Variants in TASL observed in about 807,000 individuals in gnomAD.
The protein encoded by TASL is TLR adaptor interacting with endolysosomal SLC15A4, also known as TLR adapter interacting with SLC15A4 on the lysosome.
Under a neutral mutation model 12.9 loss-of-function variants are expected in TASL, and 6 were observed. That is an observed-to-expected ratio of 0.46 (90% CI 0.25 to 0.92). The LOEUF (loss-of-function observed/expected upper bound fraction) is 0.92, where lower values mean the gene tolerates loss of function less well. TASL is among the 40% of genes least tolerant of loss of function. TASL has a pLI of 0.17. For missense variants in TASL, 165 were observed against 212.8 expected, an observed-to-expected ratio of 0.78 and a Z score of 1.40; for synonymous variants, 85 against 79.3, an observed-to-expected ratio of 1.07 and a Z score of -0.38.
At chrX:30,571,169 A>G (rs754569532) in intron 2 of TASL, among the ~76,000 whole-genome samples, 320 of 104,923 alleles carry the variant, frequency 3.0e-3, no homozygotes, top group Non-Finnish European at 4.9e-3. Flanking sequence ...AACAAGAGCA[A>G]AATTTAGTCT....
chrX:30,564,631 C>T (rs1377703737), intron 2 of TASL, among the ~76,000 whole-genome samples: 1 of 111,586 alleles, frequency 9.0e-6, no homozygotes. Context: ...TATTTTCAAC[C>T]GAGACCAAGT....
At chrX:30,566,422 G>T (rs1440308314) in intron 2 of TASL, among the ~76,000 whole-genome samples, 3 of 110,780 alleles carry the variant, frequency 2.7e-5, no homozygotes, top group Non-Finnish European at 3.8e-5. Context: ...CAGGAGAATC[G>T]CTTGAACCCA....
At chrX:30,570,706 GC>G (rs1930580570) in intron 2 of TASL, among the ~76,000 whole-genome samples, 3 of 112,058 alleles carry the variant, frequency 2.7e-5, no homozygotes, top group African/African-American at 6.5e-5. Context: ...AAAATTAGCA[GC>G]AGAGGGCAGC....
Position 30,559,879 on chromosome X carries a change from A to G in TASL, c.477T>C (p.Ser159=), listed in dbSNP as rs759603443. Reference sequence around the variant, plus strand: ...AATCCTCCATGGGTAAAGGAATCTCAGATGACTTCAGCAAAGGGCCATATT... The same window carrying G: ...AATCCTCCATGGGTAAAGGAATCTCGGATGACTTCAGCAAAGGGCCATATT... The part of the protein sequence containing the change: ...SFEYGPLLKS[S]EIPLPMEDSI... Residue 159 remains serine, a synonymous_variant, in exon 3 of 3, where the codon TCT becomes TCC. Coordinates refer to ENST00000378962, the MANE Select transcript of TASL (RefSeq NM_025159.3). 1.3e-5 allele frequency: 16 copies of G among 1,209,716 alleles called. No individual in the cohort carries two copies. The South Asian group carries it at 2.8e-4, about 21-fold the overall frequency.
chrX:30,577,038 C>A lies in TASL; in HGVS notation c.-116-172G>T, dbSNP rs138996443. ...TCTTTAATACCAAAAGGGAAGCTTT[C>A]CCCAAATCACCCAGATGAAAGTCGA... On this transcript the variant is annotated intron_variant, in intron 1 of 2. Coordinates refer to ENST00000378962, the MANE Select transcript of TASL (RefSeq NM_025159.3). Among the ~76,000 whole-genome samples, 288 of 112,161 alleles carry A rather than the reference C, an allele frequency of 2.6e-3. 1 individual carries two copies. Among genetic ancestry groups the A allele is most frequent in the African/African-American group, 8.9e-3 (276 of 30,869 alleles).
At chrX:30,562,751 GA>G (rs1471731862) in intron 2 of TASL, among the ~76,000 whole-genome samples, 1 of 110,957 alleles carries the variant, frequency 9.0e-6, no homozygotes, top group Non-Finnish European at 1.9e-5. Context: ...CCACTCTGGA[GA>G]AAGTGAGCTC....
At chrX:30,571,211 GGAAA>G (rs1190700578) in intron 2 of TASL, among the ~76,000 whole-genome samples, 8 of 63,805 alleles carry the variant, frequency 1.3e-4, no homozygotes, top group Non-Finnish European at 2.4e-4. Flanking sequence ...AAAGAAAGAA[GGAAA>G]GAAGGAAAGA....
intron 2 of TASL, among the ~76,000 whole-genome samples, chrX:30,563,212 T>C (rs1420263961): frequency 9.0e-6 from 1 of 111,343 alleles, no homozygotes; most frequent in African/African-American, 3.3e-5. Flanking sequence ...TCTCACGAGA[T>C]CCAATGGTTT....
intron 1 of TASL, 134 bp from the exon 2 acceptor site, chrX:30,577,000 C>T (rs1315031908): frequency 8.9e-6 from 1 of 112,305 alleles, no homozygotes; most frequent in African/African-American, 3.2e-5. Flanking sequence ...AAACTCCACT[C>T]GTACATGCGC....
At chrX:30,577,394 G>A (rs1930723870) in intron 1 of TASL, among the ~76,000 whole-genome samples, 1 of 112,180 alleles carries the variant, frequency 8.9e-6, no homozygotes, top group African/African-American at 3.2e-5. Context: ...TTTTAGAAAT[G>A]CTTAGAATGT....
chrX:30,571,112 G>A (rs1930587103), intron 2 of TASL, among the ~76,000 whole-genome samples: 1 of 105,101 alleles, frequency 9.5e-6, no homozygotes, highest in African/African-American at 3.5e-5. Context: ...CCCGGGAGGT[G>A]GAGGTTGTGG....
intron 1 of TASL, 91 bp downstream of exon 1, chrX:30,577,547 G>A (rs937346287): frequency 8.9e-6 from 1 of 111,908 alleles, no homozygotes; most frequent in Non-Finnish European, 1.9e-5. Flanking sequence ...ATGGATCAGC[G>A]CTCTCGTGAT....
intron 2 of TASL, among the ~76,000 whole-genome samples, chrX:30,573,502 G>T (rs1273862498): frequency 1.8e-5 from 2 of 112,582 alleles, no homozygotes; most frequent in Non-Finnish European, 1.9e-5. Context: ...TGTCTTTGAG[G>T]AATACAATTA....
intron 2 of TASL, among the ~76,000 whole-genome samples, chrX:30,563,431 C>A (rs776172266): frequency 8.9e-6 from 1 of 112,396 alleles, no homozygotes; most frequent in African/African-American, 3.2e-5. Flanking sequence ...AAGCGAAGAG[C>A]CAATCTGACT....
intron 2 of TASL, among the ~76,000 whole-genome samples, chrX:30,562,214 C>A (rs148379707): frequency 8.9e-6 from 1 of 111,920 alleles, no homozygotes; most frequent in Admixed American, 9.5e-5. Context: ...GCTTTTACAC[C>A]TCAGAATCCA....
rs1930386399 is a variant in TASL, at chrX:30,559,594, A to G, written c.762T>C (p.Leu254=). ...CCAGATTCTTCTCTCTAGACACTTG[A>G]AGACTGATTTGGTCTACACTTGTCA... ...LIMTSVDQIS[L]QVSREKNLET... is the part of the protein sequence containing the mutation. The change falls in exon 3 of 3, where the codon CTT becomes CTC. Residue 254 remains leucine, a synonymous_variant. Transcript: ENST00000378962. 1 of 1,209,219 alleles carries G rather than the reference A, an allele frequency of 8.3e-7. No individual in the cohort carries two copies. Among genetic ancestry groups the G allele is most frequent in the East Asian group, 3.0e-5 (1 of 33,785 alleles).
intron 2 of TASL, among the ~76,000 whole-genome samples, chrX:30,572,748 A>T (rs1308386344): frequency 1.8e-5 from 2 of 112,274 alleles, no homozygotes; most frequent in Admixed American, 1.9e-4. Context: ...TTTTTTATAC[A>T]AGGCCAGAGA....
intron 2 of TASL, among the ~76,000 whole-genome samples, chrX:30,566,513 A>T (rs1030843196): frequency 9.0e-6 from 1 of 111,541 alleles, no homozygotes; most frequent in African/African-American, 3.3e-5. Context: ...TCTCAAAAAC[A>T]AACAAATAAA....
At chrX:30,573,418 G>C (rs977482124) in intron 2 of TASL, among the ~76,000 whole-genome samples, 2 of 112,733 alleles carry the variant, frequency 1.8e-5, no homozygotes, top group African/African-American at 6.4e-5. Flanking sequence ...GGCTCCAGGG[G>C]AAAGTCAGCA....
Sources: gnomAD v4.1 joint callset for allele counts (sites outside exome capture counted in the v4.1 genomes callset) on GRCh38, gnomAD v4.1.1 for gene constraint, MANE v1.5 for transcripts, NCBI Gene and HGNC (gene_info 2026-07-23, HGNC 2026-07-21) for gene names.